The following PTCSC3 variants were observed in gnomAD, a reference collection of about 807,000 sequenced individuals.
PTCSC3 encodes the protein papillary thyroid carcinoma susceptibility candidate 3.
downstream of PTCSC3, among the ~76,000 whole-genome samples, chr14:36,135,767 C>T (rs951844113): frequency 2.0e-5 from 3 of 152,068 alleles, no homozygotes; most frequent in African/African-American, 4.8e-5. Flanking sequence ...AGAGATATTG[C>T]TACTGTGAGC....
chr14:36,152,079 AAAAC>A (rs1881735843), intron 3 of PTCSC3, among the ~76,000 whole-genome samples: 1 of 25,822 alleles, frequency 3.9e-5, no homozygotes, highest in African/African-American at 1.0e-4. Flanking sequence ...CAAACTCTTT[AAAAC>A]TCTTTACATG....
chr14:36,164,214 A>G (rs947611693), intron 1 of PTCSC3: 8 of 152,332 alleles, frequency 5.3e-5, no homozygotes, highest in African/African-American at 1.4e-4. Flanking sequence ...TGCTACGGAC[A>G]GTTTCCACCT....
chr14:36,175,477 A>G (rs1029215412), intron 1 of PTCSC3, among the ~76,000 whole-genome samples: 1 of 152,226 alleles, frequency 6.6e-6, no homozygotes, highest in Non-Finnish European at 1.5e-5. Flanking sequence ...TGGGAAGAAC[A>G]TAAGAACCAC....
At chr14:36,141,182 T>G (rs140806158) in intron 3 of PTCSC3, among the ~76,000 whole-genome samples, 1 of 152,302 alleles carries the variant, frequency 6.6e-6, no homozygotes, top group East Asian at 1.9e-4. Context: ...GTTTTCAGAT[T>G]GTTTTTATTC....
chr14:36,158,417 A>C (rs1881876947), intron 2 of PTCSC3, among the ~76,000 whole-genome samples: 1 of 152,136 alleles, frequency 6.6e-6, no homozygotes, highest in East Asian at 1.9e-4. Context: ...TATTATTTTG[A>C]GATACGTCCC....
intron 3 of PTCSC3, among the ~76,000 whole-genome samples, chr14:36,147,527 C>G (rs1881604835): frequency 1.3e-5 from 2 of 152,176 alleles, no homozygotes; most frequent in African/African-American, 4.8e-5. Context: ...CTCCTTTAAG[C>G]ACTTCTCTGT....
chr14:36,156,320 G>T (rs1030043374), intron 2 of PTCSC3, among the ~76,000 whole-genome samples: 6 of 152,208 alleles, frequency 3.9e-5, no homozygotes, highest in Non-Finnish European at 8.8e-5. Context: ...TGAAAGATTA[G>T]AATGCTTTTT....
Position 36,147,975 on chromosome 14 carries a change from GGGGGTCA to G in PTCSC3, n.322+5822_322+5828del, listed in dbSNP as rs1398211833. Among the ~76,000 whole-genome samples the G allele has an allele frequency of 6.3e-4, 96 of 152,288 alleles. 1 individual carries two copies. The South Asian group carries it at 0.011, about 18-fold the overall frequency. On this transcript the variant is annotated intron_variant and non_coding_transcript_variant, in intron 3 of 3. Transcript: ENST00000556013. Reference sequence around the variant, plus strand: ...GGGGTGCCTCCCAGTTAGACTGCTCGGGGGTCAGGGGTCAGGGACCCCCTTGAGGAGG... The same window carrying G: ...GGGGTGCCTCCCAGTTAGACTGCTCGGGGGTCAGGGACCCCCTTGAGGAGG...
rs568147487 is a variant in PTCSC3, at chr14:36,150,405, G to A, written n.322+3399C>T. On this transcript the variant is annotated intron_variant and non_coding_transcript_variant, in intron 3 of 3. Coordinates refer to ENST00000556013, the Ensembl canonical transcript of PTCSC3. ...CATCTATAAACCAAAAAGTGTGCTC[G>A]CACCAGATATTGAATCTGTTGGTGA... Among the ~76,000 whole-genome samples, 26 of 152,254 alleles carry A rather than the reference G, an allele frequency of 1.7e-4. No individual in the cohort carries two copies. The South Asian group carries it at 3.5e-3, about 21-fold the overall frequency.
intron 3 of PTCSC3, among the ~76,000 whole-genome samples, chr14:36,142,640 T>TGCTCA (rs2139089317): frequency 6.6e-6 from 1 of 152,190 alleles, no homozygotes; most frequent in Admixed American, 6.5e-5. Context: ...GGTTATTAAT[T>TGCTCA]GCTCATTCAA....
chr14:36,157,714 G>A (rs1235966562), intron 2 of PTCSC3, among the ~76,000 whole-genome samples: 3 of 152,050 alleles, frequency 2.0e-5, no homozygotes, highest in African/African-American at 7.2e-5. Flanking sequence ...TGATCTTTTT[G>A]CTTAGGATTG....
chr14:36,153,331 T>C (rs899289421), intron 3 of PTCSC3, among the ~76,000 whole-genome samples: 1 of 152,186 alleles, frequency 6.6e-6, no homozygotes, highest in Non-Finnish European at 1.5e-5. Flanking sequence ...ATATTTAGTG[T>C]ACAACAATAT....
At chr14:36,135,230 G>A (rs1224751306), downstream of PTCSC3, among the ~76,000 whole-genome samples, 1 of 152,138 alleles carries the variant, frequency 6.6e-6, no homozygotes, top group East Asian at 1.9e-4. Context: ...GGATAGGGGA[G>A]AGAAAAAAGG....
chr14:36,164,871 G>A (rs993090817), intron 1 of PTCSC3, among the ~76,000 whole-genome samples: 1 of 152,164 alleles, frequency 6.6e-6, no homozygotes, highest in Admixed American at 6.5e-5. Flanking sequence ...TTGTAACAAT[G>A]TAATATATCT....
At chr14:36,139,413 CAG>C (rs1220424624) in intron 3 of PTCSC3, among the ~76,000 whole-genome samples, 2 of 152,068 alleles carry the variant, frequency 1.3e-5, no homozygotes, top group Non-Finnish European at 2.9e-5. Flanking sequence ...TCTATAATAA[CAG>C]AAAATAATAA....
At chr14:36,167,945 T>C (rs1055532888) in intron 1 of PTCSC3, among the ~76,000 whole-genome samples, 1 of 152,126 alleles carries the variant, frequency 6.6e-6, no homozygotes. Context: ...CATTTTATAA[T>C]GTACCTTAGA....
At chr14:36,146,857 G>A (rs367833580) in intron 3 of PTCSC3, among the ~76,000 whole-genome samples, 1 of 148,578 alleles carries the variant, frequency 6.7e-6, no homozygotes, top group Non-Finnish European at 1.5e-5. Flanking sequence ...GGGCAGGCCT[G>A]GTGGTGACAA....
At chr14:36,146,371 G>T (rs1336129800) in intron 3 of PTCSC3, among the ~76,000 whole-genome samples, 1 of 150,004 alleles carries the variant, frequency 6.7e-6, no homozygotes, top group African/African-American at 2.5e-5. Flanking sequence ...ATATATTTAG[G>T]ATAGTTAGCT....
At chr14:36,151,339 A>G (rs1364454204) in intron 3 of PTCSC3, among the ~76,000 whole-genome samples, 2 of 151,064 alleles carry the variant, frequency 1.3e-5, no homozygotes, top group African/African-American at 4.9e-5. Context: ...GGTTTCCTAC[A>G]GTTGGGATAT....
Sources: gnomAD v4.1 joint callset for allele counts (sites outside exome capture counted in the v4.1 genomes callset) on GRCh38, gnomAD v4.1.1 for gene constraint, MANE v1.5 for transcripts, NCBI Gene and HGNC (gene_info 2026-07-23, HGNC 2026-07-21) for gene names.